WRN: variants seen among roughly 807,000 people sequenced by gnomAD.
WRN encodes the protein bifunctional 3'-5' exonuclease/ATP-dependent helicase WRN.
A neutral mutation model predicts 180.7 loss-of-function variants in WRN; 149 were observed. The observed-to-expected ratio is 0.82, with a 90% CI of 0.72 to 0.94. The LOEUF (loss-of-function observed/expected upper bound fraction) is 0.94, where lower values mean the gene tolerates loss of function less well. Ranked by LOEUF, WRN falls within the 40% of genes least tolerant of loss-of-function variation. The pLI is 0.00. For missense variants in WRN, 1,661 were observed against 1,700.1 expected (o/e 0.98, Z 0.40); for synonymous variants, 548 against 568.9 (o/e 0.96, Z 0.52).
At position 31,040,494 on chromosome 8, in the gene WRN, G is replaced by C. The variant is rs144753027; in HGVS notation, c.-77+6521G>C. Among the ~76,000 whole-genome samples the C allele has an allele frequency of 2.0e-4, 30 of 152,248 alleles. 1 individual carries two copies. The East Asian group carries it at 5.8e-3, about 29-fold the overall frequency. On this transcript the variant is annotated intron_variant, in intron 1 of 34. Coordinates refer to ENST00000298139, the MANE Select transcript of WRN (RefSeq NM_000553.6). Reference sequence around the variant, plus strand: ...CAGCAGAGTATACTGAAAAGGGATTGTTATACTGAAAAGGGATTGATATAG... The same window carrying C: ...CAGCAGAGTATACTGAAAAGGGATTCTTATACTGAAAAGGGATTGATATAG...
At chr8:31,103,766 G>A (rs754798079) in intron 18 of WRN, among the ~76,000 whole-genome samples, 1 of 151,740 alleles carries the variant, frequency 6.6e-6, no homozygotes, top group Non-Finnish European at 1.5e-5. Flanking sequence ...AGACAGTCTG[G>A]TTCTGTCACC....
chr8:31,083,243 T>C (rs1813390840), intron 9 of WRN, among the ~76,000 whole-genome samples: 1 of 152,236 alleles, frequency 6.6e-6, no homozygotes, highest in Non-Finnish European at 1.5e-5. Context: ...TGTAAAATAC[T>C]GATTTATTTA....
In WRN at chr8:31,110,898, A is replaced by C. The variant is rs1217114218; in HGVS notation, c.2089-717A>C. Among the ~76,000 whole-genome samples, 10 of 152,316 alleles carry C rather than the reference A, an allele frequency of 6.6e-5. No individual in the cohort carries two copies. In the South Asian group the frequency reaches 1.2e-3, roughly 19 times the overall value. ...CACGAGTTCTAGTTTTAGGGGAGGC[A>C]TGTTGTTACCGTACCTTAGAATTTC... On this transcript the variant is annotated intron_variant, in intron 18 of 34. Transcript: ENST00000298139.
chr8:31,046,590 T>C (rs551076025), intron 1 of WRN, among the ~76,000 whole-genome samples: 1 of 152,370 alleles, frequency 6.6e-6, no homozygotes, highest in African/African-American at 2.4e-5. Context: ...CAATCTCTTC[T>C]ACTGTTAGTG....
At position 31,146,340 on chromosome 8, in the gene WRN, A is replaced by C. The variant is rs192290213; in HGVS notation, c.3384-713A>C. 2.1e-3 allele frequency among the ~76,000 whole-genome samples: 312 copies of C among 151,086 alleles called. 2 individuals are homozygous for C. The highest frequency in any genetic ancestry group is 7.2e-3 in the African/African-American group (296 of 41,268). On this transcript the variant is annotated intron_variant, in intron 28 of 34. Transcript: ENST00000298139. Reference sequence around the variant, plus strand: ...TGTATTTATATTATTAAAACTACACAAATATTATATACACACTACTAACCC... The same window carrying C: ...TGTATTTATATTATTAAAACTACACCAATATTATATACACACTACTAACCC...
chr8:31,148,278 G>C (rs1057450035), intron 30 of WRN, among the ~76,000 whole-genome samples: 1 of 152,036 alleles, frequency 6.6e-6, no homozygotes, highest in African/African-American at 2.4e-5. Flanking sequence ...ATGACACCAC[G>C]TTAATTCTGA....
Position 31,101,669 on chromosome 8 carries a change from C to G in WRN, c.2088+714C>G, listed in dbSNP as rs10954774. ...GGGCGTGGTGGCAGGTGCCTGTAAT[C>G]CCAGCTACTTGGGAGGCTGAGGCAG... On this transcript the variant is annotated intron_variant, in intron 18 of 34. Coordinates refer to ENST00000298139, the MANE Select transcript of WRN (RefSeq NM_000553.6). Among the ~76,000 whole-genome samples the G allele has an allele frequency of 6.8e-3, 1,038 of 151,690 alleles. 17 individuals carry two copies. The highest frequency in any genetic ancestry group is 0.023 in the African/African-American group (944 of 41,342).
chr8:31,053,561 G>A (rs139791087), intron 1 of WRN, among the ~76,000 whole-genome samples: 1 of 152,316 alleles, frequency 6.6e-6, no homozygotes, highest in Non-Finnish European at 1.5e-5. Context: ...ATTATTCCAT[G>A]TGAGCGATTC....
intron 14 of WRN, 147 bp from the exon 15 acceptor site, chr8:31,090,687 A>G: frequency 9.6e-7 from 1 of 1,038,840 alleles, no homozygotes; most frequent in Non-Finnish European, 1.4e-6. Flanking sequence ...GCTCAGATTT[A>G]TGTATCAATT....
chr8:31,092,494 T>TA (rs1187288436), intron 16 of WRN, among the ~76,000 whole-genome samples: 2 of 151,612 alleles, frequency 1.3e-5, no homozygotes, highest in Non-Finnish European at 2.9e-5. Context: ...TATGTACACT[T>TA]ATATATACAT....
rs750052448 is a variant in WRN, at chr8:31,087,810, C to T, written c.1466C>T (p.Pro489Leu). ...LENLNSGTVEPTHSKCLKMER... is the reference protein window; with the variant it reads ...LENLNSGTVELTHSKCLKMER... The stretch of plus-strand genomic sequence containing the variant: ...AACCTCAATAGTGGCACGGTAGAAC[C>T]AACTCATTCTAAATGCTTAAAAATG... The change falls in exon 12 of 35, where the codon CCA (proline) becomes CTA (leucine). Residue 489 changes from proline to leucine, a missense_variant. Pro to Leu is a moderately conservative substitution (Grantham distance 98). Around this residue, in one of 3 missense-constraint regions of WRN, gnomAD observed 1,141 missense variants for 1,149.4 expected, o/e 0.99. Coordinates refer to ENST00000298139, the MANE Select transcript of WRN (RefSeq NM_000553.6). 38 of 1,613,452 alleles carry T rather than the reference C, an allele frequency of 2.4e-5. No homozygotes were observed. Among genetic ancestry groups the T allele is most frequent in the Non-Finnish European group, 3.1e-5 (37 of 1,179,760 alleles).
intron 1 of WRN, among the ~76,000 whole-genome samples, chr8:31,057,756 T>A (rs1027080442): frequency 1.3e-5 from 2 of 151,794 alleles, no homozygotes; most frequent in African/African-American, 4.8e-5. Context: ...TTTTTTTTTT[T>A]AAATGCACAC....
chr8:31,061,690 G>A (rs539789049), intron 3 of WRN, among the ~76,000 whole-genome samples: 3 of 152,054 alleles, frequency 2.0e-5, no homozygotes, highest in South Asian at 2.1e-4. Flanking sequence ...GTCTACGTTT[G>A]CCTTTAGTCT....
intron 11 of WRN, 147 bp from the exon 12 acceptor site, chr8:31,087,629 C>A: frequency 1.4e-6 from 1 of 731,240 alleles, no homozygotes; most frequent in Non-Finnish European, 2.3e-6. Context: ...TAAACCGGAG[C>A]ACACATGTTC....
At chr8:31,065,617 A>AT (rs202227176) in intron 5 of WRN, among the ~76,000 whole-genome samples, 6,805 of 151,662 alleles carry the variant, frequency 0.045, 186 homozygotes, top group South Asian at 0.08. Flanking sequence ...TATGTACCAC[A>AT]TTTTTTTTAA....
intron 32 of WRN, among the ~76,000 whole-genome samples, chr8:31,154,989 G>A (rs964569299): frequency 3.3e-5 from 5 of 152,076 alleles, no homozygotes; most frequent in Non-Finnish European, 7.3e-5. Context: ...AGATTGTATC[G>A]GGGTACTGAT....
intron 1 of WRN, among the ~76,000 whole-genome samples, chr8:31,053,340 A>C (rs1032046636): frequency 6.6e-6 from 1 of 152,362 alleles, no homozygotes. Context: ...TGTCTTATTC[A>C]TGGAGAAGCA....
chr8:31,064,267 T>C, intron 3 of WRN, 22 bp from the exon 4 acceptor site: 2 of 1,613,652 alleles, frequency 1.2e-6, no homozygotes, highest in Non-Finnish European at 1.7e-6. Context: ...TAAATTAATT[T>C]ACACTATTTT....
At chr8:31,108,371 A>G (rs185924384) in intron 18 of WRN, among the ~76,000 whole-genome samples, 9 of 152,324 alleles carry the variant, frequency 5.9e-5, no homozygotes, top group East Asian at 1.9e-4. Context: ...GCTTCACTCT[A>G]GTTTATATAT....
Sources: allele counts gnomAD v4.1 joint callset (sites outside exome capture counted in the v4.1 genomes callset), GRCh38; gene constraint gnomAD v4.1.1; regional missense constraint gnomAD v4.1.1; transcripts MANE v1.5; gene names NCBI Gene and HGNC (gene_info 2026-07-23, HGNC 2026-07-21).